ENOX1: variants seen among roughly 807,000 people sequenced by gnomAD.
ENOX1 encodes ecto-NOX disulfide-thiol exchanger 1.
ENOX1 carries 42 observed loss-of-function variants against 82.5 expected under a neutral mutation model. That is an observed-to-expected ratio of 0.51 (90% confidence interval 0.40 to 0.66). The LOEUF is 0.66. Ranked by LOEUF, ENOX1 falls within the 30% of genes least tolerant of loss-of-function variation. The probability of loss-of-function intolerance (pLI) is 0.00; values close to 1 mark genes in which losing one functional copy is unlikely to be tolerated. For missense variants in ENOX1, 608 were observed against 811.6 expected (o/e 0.75, Z 3.05); for synonymous variants, 271 against 282.2 (o/e 0.96, Z 0.40).
chr13:43,576,735 T>A (rs1263157295), intron 2 of ENOX1, among the ~76,000 whole-genome samples: 1 of 152,170 alleles, frequency 6.6e-6, no homozygotes, highest in Non-Finnish European at 1.5e-5. Flanking sequence ...AACTAATAAA[T>A]GTGGCTTCCA....
intron 5 of ENOX1, among the ~76,000 whole-genome samples, chr13:43,375,624 GA>G (rs376829713): frequency 6.6e-6 from 1 of 152,122 alleles, no homozygotes. Flanking sequence ...TCATCATCCT[GA>G]AAAAAGCCTG....
chr13:43,428,346 T>C (rs1469746094), intron 3 of ENOX1, among the ~76,000 whole-genome samples: 1 of 152,130 alleles, frequency 6.6e-6, no homozygotes, highest in East Asian at 1.9e-4. Context: ...CAAATATATA[T>C]ATTGAGGGCA....
intron 5 of ENOX1, among the ~76,000 whole-genome samples, chr13:43,398,803 CTTTTT>C (rs537591506): frequency 7.1e-6 from 1 of 140,424 alleles, no homozygotes; most frequent in Non-Finnish European, 1.5e-5. Flanking sequence ...ATTTCTTCTT[CTTTTT>C]TTTTTTTTTG....
At chr13:43,745,275 A>G (rs1362715653) in intron 1 of ENOX1, among the ~76,000 whole-genome samples, 2 of 152,222 alleles carry the variant, frequency 1.3e-5, no homozygotes, top group African/African-American at 4.8e-5. Flanking sequence ...ATATAAAATT[A>G]CACTTCCATT....
At chr13:43,321,986 T>A (rs2047836835) in intron 11 of ENOX1, among the ~76,000 whole-genome samples, 2 of 152,184 alleles carry the variant, frequency 1.3e-5, no homozygotes. Flanking sequence ...GAAGTCTAAT[T>A]CTCCAGCATC....
intron 1 of ENOX1, among the ~76,000 whole-genome samples, chr13:43,726,925 G>A (rs552296375): frequency 4.6e-5 from 7 of 151,904 alleles, no homozygotes; most frequent in South Asian, 4.2e-4. Flanking sequence ...TATTTTTAAC[G>A]GAGATGGGGT....
At chr13:43,490,607 C>T (rs2076586098) in intron 2 of ENOX1, among the ~76,000 whole-genome samples, 1 of 152,104 alleles carries the variant, frequency 6.6e-6, no homozygotes, top group Admixed American at 6.5e-5. Context: ...GATTAAGGAC[C>T]TTATTAAAAA....
chr13:43,337,160 G>T (rs1003011375), intron 9 of ENOX1, among the ~76,000 whole-genome samples: 21 of 152,178 alleles, frequency 1.4e-4, no homozygotes, highest in African/African-American at 5.1e-4. Context: ...GCTGTGTTCT[G>T]CAATATTAGG....
chr13:43,530,242 G>C (rs1005203781), intron 2 of ENOX1, among the ~76,000 whole-genome samples: 2 of 152,124 alleles, frequency 1.3e-5, no homozygotes, highest in Non-Finnish European at 2.9e-5. Context: ...TATATGATCA[G>C]AGCAGACAAT....
At chr13:43,498,508 T>C (rs1265283009) in intron 2 of ENOX1, among the ~76,000 whole-genome samples, 2 of 152,054 alleles carry the variant, frequency 1.3e-5, no homozygotes, top group Non-Finnish European at 2.9e-5. Flanking sequence ...ATAATAATAC[T>C]GGACTATATA....
At chr13:43,453,236 A>C (rs2057059848) in intron 3 of ENOX1, among the ~76,000 whole-genome samples, 1 of 152,134 alleles carries the variant, frequency 6.6e-6, no homozygotes, top group African/African-American at 2.4e-5. Flanking sequence ...GTGCCAGGCT[A>C]CCTGTAACCC....
At chr13:43,630,860 T>TATATATATACAC (rs34023929) in intron 2 of ENOX1, among the ~76,000 whole-genome samples, 2,007 of 147,766 alleles carry the variant, frequency 0.014, 34 homozygotes, top group African/African-American at 0.039. Context: ...TATATATATA[T>TATATATATACAC]ACACACACAC....
rs139407860 is a variant in ENOX1, at chr13:43,375,311, C to T, written c.209-13859G>A. Among the ~76,000 whole-genome samples, 25 of 152,162 alleles carry T rather than the reference C, an allele frequency of 1.6e-4. No individual in the cohort carries two copies. The East Asian group carries it at 4.1e-3, about 25-fold the overall frequency. ...TAGTGTCTATGTATGTGTCTATCCTCGATGCTTGCAATCCATGGTTCTCAG... is the reference window on the plus strand; with the variant it reads ...TAGTGTCTATGTATGTGTCTATCCTTGATGCTTGCAATCCATGGTTCTCAG... On this transcript the variant is annotated intron_variant, in intron 5 of 16. Transcript: ENST00000690772.
At chr13:43,277,448 A>G (rs1277188369) in intron 12 of ENOX1, among the ~76,000 whole-genome samples, 1 of 152,154 alleles carries the variant, frequency 6.6e-6, no homozygotes, top group African/African-American at 2.4e-5. Flanking sequence ...GGTCATGCCT[A>G]TCATTACTCT....
chr13:43,250,069 ATAGAT>A, intron 14 of ENOX1, among the ~76,000 whole-genome samples: 1 of 151,552 alleles, frequency 6.6e-6, no homozygotes, highest in African/African-American at 2.5e-5. Flanking sequence ...TCTCCATTTT[ATAGAT>A]TAAACACTGA....
chr13:43,749,038 C>T (rs1469366064), intron 1 of ENOX1, among the ~76,000 whole-genome samples: 1 of 152,080 alleles, frequency 6.6e-6, no homozygotes, highest in Non-Finnish European at 1.5e-5. Context: ...TTATGAAGGT[C>T]AAATTAGTAA....
At chr13:43,702,409 G>A (rs146391958) in intron 1 of ENOX1, among the ~76,000 whole-genome samples, 23 of 152,268 alleles carry the variant, frequency 1.5e-4, no homozygotes, top group Non-Finnish European at 2.6e-4. Flanking sequence ...ATGCCAGAGG[G>A]GTTGGCTAAT....
chr13:43,513,632 C>T (rs1428513022), intron 2 of ENOX1, among the ~76,000 whole-genome samples: 1 of 152,104 alleles, frequency 6.6e-6, no homozygotes, highest in East Asian at 1.9e-4. Context: ...ATCTATTCCA[C>T]AAGGAAATTT....
At chr13:43,739,838 G>A (rs780659216) in intron 1 of ENOX1, among the ~76,000 whole-genome samples, 21 of 151,878 alleles carry the variant, frequency 1.4e-4, no homozygotes, top group Non-Finnish European at 2.4e-4. Flanking sequence ...TCTGCCACCC[G>A]AAACAGCAAG....
Sources: gnomAD v4.1 joint callset for allele counts (sites outside exome capture counted in the v4.1 genomes callset) on GRCh38, gnomAD v4.1.1 for gene constraint, MANE v1.5 for transcripts, NCBI Gene and HGNC (gene_info 2026-07-23, HGNC 2026-07-21) for gene names.